Variants in SOD2 observed in about 807,000 individuals in gnomAD.
SOD2 encodes superoxide dismutase [Mn], mitochondrial.
Under a neutral mutation model 27.0 loss-of-function variants are expected in SOD2, and 11 were observed. That is an observed-to-expected ratio of 0.41 (90% confidence interval 0.26 to 0.67). The LOEUF (loss-of-function observed/expected upper bound fraction) is 0.67. Among genes scored for constraint, SOD2 ranks in the 30% least tolerant of loss-of-function variants. The probability of loss-of-function intolerance (pLI) is 0.34; values close to 1 mark genes in which losing one functional copy is unlikely to be tolerated. For synonymous variants in SOD2, 105 were observed against 103.0 expected, an observed-to-expected ratio of 1.02 and a Z score of -0.12; for missense variants, 250 against 274.5, an observed-to-expected ratio of 0.91 and a Z score of 0.63.
intron 1 of SOD2, among the ~76,000 whole-genome samples, chr6:159,707,296 C>T (rs149383826): frequency 1.6e-3 from 236 of 152,062 alleles, no homozygotes; most frequent in African/African-American, 5.5e-3. Context: ...GACAGAGACA[C>T]AAAAAACCCT....
At chr6:159,738,864 T>G in intron 1 of SOD2, 1 of 605,340 alleles carries the variant, frequency 1.7e-6, no homozygotes, top group Non-Finnish European at 2.7e-6. Flanking sequence ...AAAATACTTT[T>G]TCAAAAAATC....
At chr6:159,712,880 G>T in intron 1 of SOD2, 3 of 638,314 alleles carry the variant, frequency 4.7e-6, no homozygotes, top group Non-Finnish European at 8.9e-6. Flanking sequence ...TTCTACATAG[G>T]TGTGTTCATA....
rs867624795 is a variant in SOD2 at position 159,676,143 on chromosome 6, G to T, written c.*6350C>A. 1.1e-4 allele frequency: 16 copies of T among 152,146 alleles called. No individual in the cohort carries two copies. Among genetic ancestry groups the T allele is most frequent in the Non-Finnish European group, 1.6e-4 (11 of 68,026 alleles). The allele number at this position is 152,146 out of a possible 1,614,324, so 9.4% of individuals were successfully genotyped here. A position where few individuals can be genotyped will look rare whatever the true frequency, so the allele number is the denominator to read the frequency against. On this transcript the variant is annotated 3_prime_UTR_variant, in exon 5 of 5. Transcript: ENST00000538183. ...GAGAAATAGGAACACTTTTACACTG[G>T]TGGTGGGACTGTAAACTAGTTCAAC...
chr6:159,739,902 C>A (rs1329779193), intron 1 of SOD2, among the ~76,000 whole-genome samples: 3 of 116,302 alleles, frequency 2.6e-5, no homozygotes, highest in African/African-American at 9.6e-5. Flanking sequence ...ATACCTTTGT[C>A]TTTCTGCACA....
upstream of SOD2, among the ~76,000 whole-genome samples, chr6:159,746,055 A>G (rs1779556854): frequency 6.6e-6 from 1 of 152,238 alleles, no homozygotes; most frequent in Non-Finnish European, 1.5e-5. Context: ...CAGGAAATCC[A>G]GCATTCCCTC....
chr6:159,750,226 A>C (rs1779768758), intron 1 of SOD2, among the ~76,000 whole-genome samples: 1 of 152,226 alleles, frequency 6.6e-6, no homozygotes. Flanking sequence ...TCACAGTAGA[A>C]ATGGCCTAAG....
At chr6:159,754,041 A>G (rs1419681943) in intron 1 of SOD2, among the ~76,000 whole-genome samples, 1 of 152,214 alleles carries the variant, frequency 6.6e-6, no homozygotes, top group Non-Finnish European at 1.5e-5. Context: ...TTATTAGTGA[A>G]TAAGAGATTT....
chr6:159,756,155 C>A (rs952084491), intron 1 of SOD2: 1 of 153,026 alleles, frequency 6.5e-6, no homozygotes, highest in Non-Finnish European at 1.5e-5. Context: ...TTCCACCATA[C>A]ATCTGTGCAT....
chr6:159,759,690 C>T (rs1780084431), intron 1 of SOD2, among the ~76,000 whole-genome samples: 1 of 151,490 alleles, frequency 6.6e-6, no homozygotes, highest in African/African-American at 2.4e-5. Context: ...AAAAATTCCT[C>T]TTCTTTCCTT....
At chr6:159,698,754 A>T (rs1192692605) in intron 1 of SOD2, among the ~76,000 whole-genome samples, 1 of 152,040 alleles carries the variant, frequency 6.6e-6, no homozygotes, top group East Asian at 1.9e-4. Flanking sequence ...TGATTAGCAC[A>T]TATTTTTTAT....
chr6:159,675,548 T>C lies in SOD2; in HGVS notation c.*6945A>G, dbSNP rs1779759829. ...GCTGGGAAAACTGGCTAGCCACATG[T>C]AGAAAGCTGAAACTGGATCCCTTCC... On this transcript the variant is annotated 3_prime_UTR_variant, in exon 5 of 5. Coordinates refer to ENST00000538183, the MANE Select transcript of SOD2 (RefSeq NM_000636.4). The C allele has an allele frequency of 6.6e-6, 1 of 152,156 alleles. No homozygotes were observed. Among genetic ancestry groups the C allele is most frequent in the South Asian group, 2.1e-4 (1 of 4,822 alleles). The allele number at this position is 152,156 out of a possible 1,614,324, so 9.4% of individuals were successfully genotyped here. A position where few individuals can be genotyped will look rare whatever the true frequency, so the allele number is the denominator to read the frequency against.
At chr6:159,718,291 C>T (rs893598395) in intron 1 of SOD2, among the ~76,000 whole-genome samples, 1 of 152,164 alleles carries the variant, frequency 6.6e-6, no homozygotes, top group African/African-American at 2.4e-5. Flanking sequence ...AGCCACCATG[C>T]CTGGTCATAT....
upstream of SOD2, chr6:159,748,159 T>G: frequency 6.3e-7 from 1 of 1,593,878 alleles, no homozygotes; most frequent in Middle Eastern, 1.7e-4. This position sits in a 1 kb window ranked among gnomAD's most constrained non-coding sequence, Gnocchi z 5.6. Flanking sequence ...TTCCTTTGAT[T>G]TGGTCGTAAT....
rs187059028 is a variant in SOD2 at position 159,709,781 on chromosome 6, G to C, written c.-115-16918C>G. ...CCCATTACTAGGTATATACCCAAAG[G>C]AATATAAATCATGTTGCTATAAAGA... On this transcript the variant is annotated intron_variant, in intron 1 of 2. Coordinates refer to the SOD2 transcript ENST00000401980. Among the ~76,000 whole-genome samples, 10 of 152,096 alleles carry C rather than the reference G, an allele frequency of 6.6e-5. No homozygotes were observed. In the East Asian group the frequency reaches 1.9e-3, roughly 29 times the overall value.
intron 4 of SOD2, among the ~76,000 whole-genome samples, chr6:159,683,250 G>A (rs1050904107): frequency 1.3e-5 from 2 of 152,182 alleles, no homozygotes; most frequent in African/African-American, 2.4e-5. Flanking sequence ...TTGGGAGGCC[G>A]AGGCAGGCAG....
At chr6:159,698,274 A>AAAACAAAC (rs113474424), upstream of SOD2, among the ~76,000 whole-genome samples, 779 of 148,052 alleles carry the variant, frequency 5.3e-3, 7 homozygotes, top group African/African-American at 0.018. Flanking sequence ...CTCAGTGTCA[A>AAAACAAAC]AAACAAACAA....
chr6:159,759,483 A>G (rs143953293), intron 1 of SOD2, among the ~76,000 whole-genome samples: 2,292 of 151,522 alleles, frequency 0.015, 58 homozygotes, highest in African/African-American at 0.052. Context: ...CAGCCTGACT[A>G]ACATGGTGAA....
upstream of SOD2, chr6:159,727,519 A>G (rs1349051355): frequency 1.1e-5 from 11 of 992,032 alleles, no homozygotes; most frequent in Non-Finnish European, 1.3e-5. Context: ...CCTCAGCGCC[A>G]TTTTGTGGCA....
chr6:159,693,333 C>A (rs1474148438), upstream of SOD2: 9 of 319,426 alleles, frequency 2.8e-5, 1 homozygote, highest in African/African-American at 6.9e-5. Flanking sequence ...GCCCCGCCCC[C>A]CCCCCCCGCG....
Sources: gnomAD v4.1 joint callset for allele counts (sites outside exome capture counted in the v4.1 genomes callset) on GRCh38, gnomAD v4.1.1 for gene constraint, Gnocchi (gnomAD v3.1) non-coding constraint, MANE v1.5 for transcripts, NCBI Gene and HGNC (gene_info 2026-07-23, HGNC 2026-07-21) for gene names.